The following ROBO2 variants were observed in gnomAD, a reference collection of about 807,000 sequenced individuals.
ROBO2 encodes roundabout homolog 2.
ROBO2 carries 53 observed loss-of-function variants against 160.8 expected under a neutral mutation model. That is an observed-to-expected ratio of 0.33 (90% CI 0.26 to 0.41). ROBO2 has a LOEUF of 0.41. Ranked by LOEUF, ROBO2 falls within the 10% of genes least tolerant of loss-of-function variation. The probability of loss-of-function intolerance (pLI) is 1.00; values close to 1 mark genes in which losing one functional copy is unlikely to be tolerated. For synonymous variants in ROBO2, 664 were observed against 611.7 expected (o/e 1.09, Z -1.26); for missense variants, 1,577 against 1,722.4 (o/e 0.92, Z 1.49).
chr3:76,359,931 A>G (rs1310697026), intron 2 of ROBO2, among the ~76,000 whole-genome samples: 1 of 152,078 alleles, frequency 6.6e-6, no homozygotes, highest in Non-Finnish European at 1.5e-5. Context: ...TGACACATAG[A>G]GTAAACCCAG....
At chr3:77,327,162 A>G (rs1476661465) in intron 2 of ROBO2, among the ~76,000 whole-genome samples, 3 of 152,310 alleles carry the variant, frequency 2.0e-5, no homozygotes, top group Non-Finnish European at 4.4e-5. Context: ...AACCCTTCAA[A>G]GCCTATTGAA....
Position 76,213,065 on chromosome 3 carries a change from G to A in ROBO2, c.109+275463G>A, listed in dbSNP as rs2107333830. Among the ~76,000 whole-genome samples the A allele has an allele frequency of 3.3e-5, 5 of 152,216 alleles. 1 individual carries two copies. In the South Asian group the frequency reaches 1.0e-3, roughly 32 times the overall value. On this transcript the variant is annotated intron_variant, in intron 2 of 26. Coordinates refer to the ROBO2 transcript ENST00000487694. ...GGAACGCATATACTACTTGACAGAA[G>A]GAGAGACAAGAAATTTTTGGTTCTC... is the stretch of plus-strand genomic sequence containing the variant.
chr3:76,729,040 A>G (rs1401504242), intron 2 of ROBO2, among the ~76,000 whole-genome samples: 1 of 152,120 alleles, frequency 6.6e-6, no homozygotes, highest in Non-Finnish European at 1.5e-5. Flanking sequence ...CAATAAATGT[A>G]GACTTTACTA....
intron 2 of ROBO2, among the ~76,000 whole-genome samples, chr3:75,997,580 C>A (rs567224236): frequency 0.01 from 1,477 of 145,408 alleles, 14 homozygotes; most frequent in Non-Finnish European, 0.016. Flanking sequence ...GCAAGCTCTG[C>A]CTCCCGGGTT....
At chr3:77,547,659 G>T (rs2092750410) in intron 7 of ROBO2, among the ~76,000 whole-genome samples, 1 of 151,952 alleles carries the variant, frequency 6.6e-6, no homozygotes, top group East Asian at 1.9e-4. Flanking sequence ...CAGTCTGGAT[G>T]GACAAATGGC....
chr3:76,261,902 G>A (rs1706793214), intron 2 of ROBO2, among the ~76,000 whole-genome samples: 1 of 152,102 alleles, frequency 6.6e-6, no homozygotes. Flanking sequence ...TATAGAACAG[G>A]TAGCTTTCTT....
chr3:77,389,823 AGT>A (rs2074529799), intron 2 of ROBO2, among the ~76,000 whole-genome samples: 1 of 151,766 alleles, frequency 6.6e-6, no homozygotes, highest in Non-Finnish European at 1.5e-5. Flanking sequence ...TTCATTTAGG[AGT>A]GTGTCTGTTT....
intron 2 of ROBO2, among the ~76,000 whole-genome samples, chr3:76,262,448 A>G (rs909560098): frequency 6.6e-6 from 1 of 152,110 alleles, no homozygotes; most frequent in African/African-American, 2.4e-5. Flanking sequence ...GAACACAGCA[A>G]AAGTACATAA....
chr3:77,478,882 C>A (rs550023007), intron 3 of ROBO2, among the ~76,000 whole-genome samples: 9 of 152,108 alleles, frequency 5.9e-5, no homozygotes, highest in Non-Finnish European at 1.0e-4. Context: ...TATTTTTTCC[C>A]TTCACCCTCT....
At chr3:76,018,917 A>C (rs2107652425) in intron 2 of ROBO2, among the ~76,000 whole-genome samples, 1 of 151,900 alleles carries the variant, frequency 6.6e-6, no homozygotes, top group Admixed American at 6.6e-5. Flanking sequence ...TTTTCTCTGA[A>C]GTTCTGTGCA....
intron 2 of ROBO2, among the ~76,000 whole-genome samples, chr3:77,332,928 A>G (rs777046721): frequency 6.6e-6 from 1 of 152,212 alleles, no homozygotes; most frequent in Non-Finnish European, 1.5e-5. Flanking sequence ...TTACCCAGGT[A>G]ATAGAAAACC....
intron 2 of ROBO2, among the ~76,000 whole-genome samples, chr3:76,523,458 A>T (rs945005852): frequency 6.6e-6 from 1 of 152,086 alleles, no homozygotes. Context: ...TTGTTTTAGA[A>T]ATGTGCTAGA....
intron 2 of ROBO2, among the ~76,000 whole-genome samples, chr3:76,582,999 G>A (rs1198782754): frequency 6.7e-6 from 1 of 150,248 alleles, no homozygotes; most frequent in African/African-American, 2.4e-5. Flanking sequence ...ATGTTTCCTT[G>A]GTGTGTGTTT....
rs1235965094 is a variant in ROBO2, at chr3:76,882,110, GTGTC to G, written c.110-215900_110-215897del. ...GTTGTGTGTGTGTGTGTGTGTGTGTGTGTCTGTGTGTGTGTCTTTTGGGTGGTAG... is the reference window on the plus strand; with the variant it reads ...GTTGTGTGTGTGTGTGTGTGTGTGTGTGTGTGTGTGTCTTTTGGGTGGTAG... On this transcript the variant is annotated intron_variant, in intron 2 of 26. Transcript: ENST00000487694. 6.5e-3 allele frequency among the ~76,000 whole-genome samples: 845 copies of G among 130,480 alleles called. 10 individuals are homozygous for G. Among genetic ancestry groups the G allele is most frequent in the Middle Eastern group, 0.023 (6 of 264 alleles). The allele number at this position is 130,480 out of a possible 152,430, so 85.6% of individuals were successfully genotyped here.
At chr3:77,500,022 T>C (rs1477981434) in intron 5 of ROBO2, among the ~76,000 whole-genome samples, 1 of 152,216 alleles carries the variant, frequency 6.6e-6, no homozygotes, top group East Asian at 1.9e-4. Context: ...CTGCATTTTC[T>C]ACCTTTAGTA....
intron 2 of ROBO2, among the ~76,000 whole-genome samples, chr3:77,155,985 T>C (rs2077973657): frequency 6.6e-6 from 1 of 151,958 alleles, no homozygotes; most frequent in Non-Finnish European, 1.5e-5. Context: ...CTCTCATCTG[T>C]GGTCATTGCT....
chr3:77,255,400 G>A (rs1413691736), intron 2 of ROBO2, among the ~76,000 whole-genome samples: 1 of 152,186 alleles, frequency 6.6e-6, no homozygotes, highest in African/African-American at 2.4e-5. Context: ...ATTCTTTGGA[G>A]TTGCTAACCA....
At chr3:77,277,338 G>A (rs147565178) in intron 2 of ROBO2, among the ~76,000 whole-genome samples, 3,010 of 151,556 alleles carry the variant, frequency 0.02, 75 homozygotes, top group African/African-American at 0.069. Flanking sequence ...TGCAGGATGT[G>A]CAGGTTTGTT....
At chr3:77,539,313 G>A (rs1165669025) in intron 6 of ROBO2, among the ~76,000 whole-genome samples, 1 of 152,150 alleles carries the variant, frequency 6.6e-6, no homozygotes, top group Non-Finnish European at 1.5e-5. Flanking sequence ...CTCATTTATA[G>A]GCTTTGGGTC....
Sources: gnomAD v4.1 joint callset for allele counts (sites outside exome capture counted in the v4.1 genomes callset) on GRCh38, gnomAD v4.1.1 for gene constraint, MANE v1.5 for transcripts, NCBI Gene and HGNC (gene_info 2026-07-23, HGNC 2026-07-21) for gene names.